Variants in IGSF21 observed in about 807,000 individuals in gnomAD.
IGSF21 encodes the protein immunoglobin superfamily member 21.
IGSF21 carries 28 observed loss-of-function variants against 46.8 expected under a neutral mutation model. That is an observed-to-expected ratio of 0.60 (90% confidence interval 0.44 to 0.82). The LOEUF (loss-of-function observed/expected upper bound fraction) is 0.82, where lower values mean the gene tolerates loss of function less well. IGSF21 is among the 40% of genes least tolerant of loss of function. The pLI, the probability that IGSF21 is intolerant of heterozygous loss-of-function variation, is 0.00. For synonymous variants in IGSF21, 284 were observed against 273.6 expected, an observed-to-expected ratio of 1.04 and a Z score of -0.38; for missense variants, 624 against 665.5, an observed-to-expected ratio of 0.94 and a Z score of 0.69.
chr1:18,160,795 C>T (rs534280427), intron 1 of IGSF21, among the ~76,000 whole-genome samples: 1 of 152,352 alleles, frequency 6.6e-6, no homozygotes, highest in East Asian at 1.9e-4. Context: ...AGAATCACTG[C>T]AGTCAGCAGA....
intron 2 of IGSF21, among the ~76,000 whole-genome samples, chr1:18,264,327 T>A (rs1231266062): frequency 6.6e-6 from 1 of 152,150 alleles, no homozygotes; most frequent in Non-Finnish European, 1.5e-5. Context: ...TTAAATTAAA[T>A]GAGATAATAT....
intron 1 of IGSF21, among the ~76,000 whole-genome samples, chr1:18,166,555 T>C (rs574867282): frequency 6.6e-6 from 1 of 152,358 alleles, no homozygotes; most frequent in Admixed American, 6.5e-5. Context: ...ATGATATCTC[T>C]AGAACGCGTA....
chr1:18,245,026 G>T (rs763750277), intron 2 of IGSF21, among the ~76,000 whole-genome samples: 1 of 152,064 alleles, frequency 6.6e-6, no homozygotes, highest in Non-Finnish European at 1.5e-5. Flanking sequence ...TATAAATATT[G>T]GTAGGGCTAT....
rs532657949 is a variant in IGSF21, at chr1:18,143,485, G to A, written c.70+35287G>A. 5.3e-5 allele frequency among the ~76,000 whole-genome samples: 8 copies of A among 152,226 alleles called. No individual in the cohort carries two copies. The South Asian group carries it at 8.3e-4, about 16-fold the overall frequency. On this transcript the variant is annotated intron_variant, in intron 1 of 9. Coordinates refer to ENST00000251296, the MANE Select transcript of IGSF21 (RefSeq NM_032880.5). ...GCCCAGTCATAAAGTGCAAACTCCCGTCCCAGCCCATGCCCATGGCATGGG... is the reference window on the plus strand; with the variant it reads ...GCCCAGTCATAAAGTGCAAACTCCCATCCCAGCCCATGCCCATGGCATGGG...
At chr1:18,242,236 G>T (rs760471606) in intron 2 of IGSF21, among the ~76,000 whole-genome samples, 24 of 152,234 alleles carry the variant, frequency 1.6e-4, no homozygotes, top group Middle Eastern at 3.4e-3. Context: ...CTCTCAGCAC[G>T]GCAGAGCAGA....
intron 1 of IGSF21, among the ~76,000 whole-genome samples, chr1:18,201,710 T>C (rs1165011497): frequency 6.6e-6 from 1 of 151,978 alleles, no homozygotes; most frequent in Non-Finnish European, 1.5e-5. Context: ...CTCATTGGGG[T>C]GTGTGTCGGG....
At chr1:18,279,023 A>G (rs1048926794) in intron 2 of IGSF21, 40 of 415,574 alleles carry the variant, frequency 9.6e-5, no homozygotes, top group Admixed American at 2.1e-4. Context: ...CTCATCTGTC[A>G]AATGCAGACA....
intron 1 of IGSF21, among the ~76,000 whole-genome samples, chr1:18,187,457 T>TA (rs1043395534): frequency 1.3e-5 from 2 of 152,168 alleles, no homozygotes; most frequent in African/African-American, 4.8e-5. Flanking sequence ...AGGTACTTCT[T>TA]ACATGGCGAC....
At position 18,362,846 on chromosome 1, in the gene IGSF21, G is replaced by C. The variant is rs539227400; in HGVS notation, c.540+616G>C. Among the ~76,000 whole-genome samples the C allele has an allele frequency of 8.3e-4, 126 of 152,258 alleles. 1 individual carries two copies. The highest frequency in any genetic ancestry group is 2.8e-3 in the African/African-American group (115 of 41,564). On this transcript the variant is annotated intron_variant, in intron 5 of 9. Transcript: ENST00000251296. ...CGAGATTTTTTATGACCTCTTGAAG[G>C]GGGTGGGGCAGGAGGTGCAGCGTCC...
chr1:18,292,975 C>T lies in IGSF21; in HGVS notation c.305+988C>T, dbSNP rs112029258. 2.4e-3 allele frequency among the ~76,000 whole-genome samples: 366 copies of T among 152,350 alleles called. 3 individuals are homozygous for T. The highest frequency in any genetic ancestry group is 0.011 in the South Asian group (52 of 4,828). On this transcript the variant is annotated intron_variant, in intron 3 of 9. Coordinates refer to ENST00000251296, the MANE Select transcript of IGSF21 (RefSeq NM_032880.5). ...GTCTGCTCCAAAGCTGGAGGGGGAC[C>T]GTGCTGCATCGGGTACCGTGAGGGG...
At position 18,273,331 on chromosome 1, in the gene IGSF21, ATT is replaced by A. The variant is rs2085061753; in HGVS notation, c.184-18534_184-18533del. On this transcript the variant is annotated intron_variant, in intron 2 of 9. Coordinates refer to ENST00000251296, the MANE Select transcript of IGSF21 (RefSeq NM_032880.5). ...ACTGGGATTACAGGCATGAGCCACC[ATT>A]CCTTTCCTTTCCTTTCCTTTCCTTT... Among the ~76,000 whole-genome samples the A allele has an allele frequency of 6.6e-3, 360 of 54,168 alleles. 35 individuals carry two copies. The highest frequency in any genetic ancestry group is 0.016 in the African/African-American group (216 of 13,774). 35.5% of individuals were successfully genotyped at this position (54,168 alleles called of 152,430 possible). A position where few individuals can be genotyped will look rare whatever the true frequency, so the allele number is the denominator to read the frequency against.
chr1:18,247,531 G>A (rs982054281), intron 2 of IGSF21, among the ~76,000 whole-genome samples: 11 of 152,118 alleles, frequency 7.2e-5, no homozygotes, highest in African/African-American at 2.7e-4. Flanking sequence ...CATGGGCCAG[G>A]AAGCAGCCCA....
At chr1:18,315,967 T>C (rs2085539239) in intron 3 of IGSF21, among the ~76,000 whole-genome samples, 1 of 152,164 alleles carries the variant, frequency 6.6e-6, no homozygotes, top group African/African-American at 2.4e-5. Flanking sequence ...AGCATATGCT[T>C]GACATAGAAA....
chr1:18,376,899 C>G lies in IGSF21; in HGVS notation c.1201C>G (p.Arg401Gly). The G allele has an allele frequency of 6.2e-7, 1 of 1,612,912 alleles. No homozygotes were observed. The highest frequency in any genetic ancestry group is 8.5e-7 in the Non-Finnish European group (1 of 1,179,024). ...CGACGGGAAGGAGCTGGTGCTGGAGCGGGTTCCCGCCGAGCTCAATGGCTC... is the reference window on the plus strand; with the variant it reads ...CGACGGGAAGGAGCTGGTGCTGGAGGGGGTTCCCGCCGAGCTCAATGGCTC... ...EFDGKELVLE[R>G]VPAELNGSMY... Residue 401 changes from arginine (R) to glycine (G), a missense_variant, in exon 8 of 10, where the codon CGG becomes GGG. Coordinates refer to ENST00000251296, the MANE Select transcript of IGSF21 (RefSeq NM_032880.5).
At chr1:18,225,140 G>A (rs1026099146) in intron 1 of IGSF21, among the ~76,000 whole-genome samples, 1 of 136,826 alleles carries the variant, frequency 7.3e-6, no homozygotes, top group Non-Finnish European at 1.6e-5. Context: ...AAGAAATCAT[G>A]TTTCCTGAAA....
chr1:18,240,673 G>A (rs1490220977), intron 2 of IGSF21, among the ~76,000 whole-genome samples: 1 of 152,210 alleles, frequency 6.6e-6, no homozygotes, highest in Non-Finnish European at 1.5e-5. Context: ...AGGTAAACTT[G>A]TAGTTGATGA....
In IGSF21 at chr1:18,288,813, C is replaced by T. The variant is rs111787582; in HGVS notation, c.184-3053C>T. ...AGTGGGGCCTGCCCTCCAGATCCCT[C>T]ACCCTGCAGCTGAGATAAGCACTTG... On this transcript the variant is annotated intron_variant, in intron 2 of 9. Coordinates refer to ENST00000251296, the MANE Select transcript of IGSF21 (RefSeq NM_032880.5). 3.3e-3 allele frequency among the ~76,000 whole-genome samples: 498 copies of T among 152,334 alleles called. 6 individuals are homozygous for T. Among genetic ancestry groups the T allele is most frequent in the South Asian group, 0.012 (59 of 4,830 alleles).
At chr1:18,238,442 G>T (rs990172155) in intron 2 of IGSF21, among the ~76,000 whole-genome samples, 1 of 152,342 alleles carries the variant, frequency 6.6e-6, no homozygotes, top group African/African-American at 2.4e-5. Context: ...TAAGAAGCAG[G>T]GTGGTGGGGG....
intron 3 of IGSF21, among the ~76,000 whole-genome samples, chr1:18,298,077 A>C (rs2085328403): frequency 1.3e-5 from 2 of 152,208 alleles, no homozygotes; most frequent in South Asian, 4.1e-4. Flanking sequence ...TGGCAAGTGC[A>C]AAGGTCCTGG....
Sources: gnomAD v4.1 joint callset for allele counts (sites outside exome capture counted in the v4.1 genomes callset) on GRCh38, gnomAD v4.1.1 for gene constraint, MANE v1.5 for transcripts, NCBI Gene and HGNC (gene_info 2026-07-23, HGNC 2026-07-21) for gene names.